ATXN1: variants seen among roughly 807,000 people sequenced by gnomAD.
ATXN1 encodes ataxin-1.
ATXN1 carries 8 observed loss-of-function variants against 56.4 expected under a neutral mutation model. The ratio of observed to expected loss-of-function variants is 0.14; its 90% CI spans 0.08 to 0.26. ATXN1 has a LOEUF of 0.26. Ranked by LOEUF, ATXN1 falls within the 10% of genes least tolerant of loss-of-function variation. ATXN1 has a pLI of 1.00. For missense variants in ATXN1, 987 were observed against 1,106.5 expected (o/e 0.89, Z 1.53); for synonymous variants, 514 against 494.6 (o/e 1.04, Z -0.52).
intron 6 of ATXN1, among the ~76,000 whole-genome samples, chr6:16,451,000 G>C (rs1386082090): frequency 6.6e-6 from 1 of 152,212 alleles, no homozygotes; most frequent in Non-Finnish European, 1.5e-5. Context: ...ACGCTATGAA[G>C]AGCCACATGG....
At chr6:16,535,646 G>A (rs1761582657) in intron 4 of ATXN1, among the ~76,000 whole-genome samples, 1 of 152,202 alleles carries the variant, frequency 6.6e-6, no homozygotes, top group Middle Eastern at 3.2e-3. Context: ...CAGATGTTCT[G>A]CCCTTGTAAA....
At chr6:16,487,006 C>T (rs1451213581) in intron 5 of ATXN1, among the ~76,000 whole-genome samples, 1 of 152,020 alleles carries the variant, frequency 6.6e-6, no homozygotes, top group African/African-American at 2.4e-5. Context: ...TATTCATATC[C>T]TGATCATTAA....
chr6:16,553,985 T>C (rs1761966933), intron 4 of ATXN1, among the ~76,000 whole-genome samples: 1 of 152,206 alleles, frequency 6.6e-6, no homozygotes, highest in Admixed American at 6.5e-5. Context: ...TAAACATCTT[T>C]GAAGGACAGG....
chr6:16,533,569 A>C (rs529534849), intron 4 of ATXN1, among the ~76,000 whole-genome samples: 2 of 152,308 alleles, frequency 1.3e-5, no homozygotes, highest in African/African-American at 4.8e-5. Flanking sequence ...AAAGTCACTA[A>C]TAGGAACAAA....
chr6:16,680,607 CA>C (rs1236738223), intron 2 of ATXN1, among the ~76,000 whole-genome samples: 1 of 152,158 alleles, frequency 6.6e-6, no homozygotes, highest in Non-Finnish European at 1.5e-5. Context: ...TTCCAGAAAA[CA>C]AGGGAAACCA....
At chr6:16,545,393 C>A (rs1034453320) in intron 4 of ATXN1, among the ~76,000 whole-genome samples, 1 of 144,248 alleles carries the variant, frequency 6.9e-6, no homozygotes, top group African/African-American at 2.5e-5. Context: ...GATTTCTTGT[C>A]TTTTTTTTTT....
intron 6 of ATXN1, among the ~76,000 whole-genome samples, chr6:16,458,339 CA>C (rs1759921845): frequency 6.6e-6 from 1 of 152,134 alleles, no homozygotes; most frequent in Admixed American, 6.5e-5. Flanking sequence ...CACCATAACT[CA>C]GGGAAAGGAA....
chr6:16,728,980 G>C (rs1437554518), intron 2 of ATXN1, among the ~76,000 whole-genome samples: 1 of 152,160 alleles, frequency 6.6e-6, no homozygotes, highest in Non-Finnish European at 1.5e-5. Context: ...ACTTCCAAAA[G>C]CCTAGTCGAG....
chr6:16,553,073 C>A (rs948104296), intron 4 of ATXN1, among the ~76,000 whole-genome samples: 1 of 152,230 alleles, frequency 6.6e-6, no homozygotes. Context: ...AGGCTATGCG[C>A]CTCTAGGAGG....
At chr6:16,426,898 G>A (rs928465445) in intron 6 of ATXN1, among the ~76,000 whole-genome samples, 44 of 150,044 alleles carry the variant, frequency 2.9e-4, no homozygotes, top group African/African-American at 1.1e-3. Context: ...AGACCAAGTA[G>A]AGGCAGGATC....
chr6:16,650,987 T>A (rs944919602), intron 3 of ATXN1, among the ~76,000 whole-genome samples: 5 of 152,264 alleles, frequency 3.3e-5, no homozygotes, highest in African/African-American at 1.2e-4. Flanking sequence ...TCTAAAGTTT[T>A]TCTTTTAACA....
chr6:16,342,825 A>G (rs9383153), intron 6 of ATXN1, among the ~76,000 whole-genome samples: 20,685 of 152,154 alleles, frequency 0.14, 2,044 homozygotes, highest in East Asian at 0.4. Flanking sequence ...AGAATAGTCA[A>G]ATTTGGAGAG....
intron 6 of ATXN1, among the ~76,000 whole-genome samples, chr6:16,445,658 T>G (rs1337590611): frequency 6.2e-5 from 9 of 146,086 alleles, no homozygotes; most frequent in Non-Finnish European, 1.1e-4. Flanking sequence ...TATCTCCTAA[T>G]GCTATCCCTC....
chr6:16,332,716 C>G (rs1247853945), intron 6 of ATXN1, among the ~76,000 whole-genome samples: 1 of 152,106 alleles, frequency 6.6e-6, no homozygotes, highest in African/African-American at 2.4e-5. Flanking sequence ...AGTTTGCTAC[C>G]CATGGTTTGC....
chr6:16,704,472 T>C (rs1180427693), intron 2 of ATXN1, among the ~76,000 whole-genome samples: 1 of 138,514 alleles, frequency 7.2e-6, no homozygotes, highest in Non-Finnish European at 1.6e-5. Context: ...TGCCATAATT[T>C]GAGGTGTTGC....
At chr6:16,339,497 A>G (rs1490426476) in intron 6 of ATXN1, among the ~76,000 whole-genome samples, 1 of 152,172 alleles carries the variant, frequency 6.6e-6, no homozygotes, top group Non-Finnish European at 1.5e-5. Flanking sequence ...AATGCTCTCA[A>G]CTGCAAAGAC....
intron 7 of ATXN1, among the ~76,000 whole-genome samples, chr6:16,325,852 C>T (rs567862721): frequency 4.6e-5 from 7 of 152,124 alleles, no homozygotes; most frequent in South Asian, 2.1e-4. Context: ...ACTACAGCCT[C>T]GAACTCCTGG....
chr6:16,669,314 C>A (rs749503690), intron 2 of ATXN1, among the ~76,000 whole-genome samples: 1 of 152,146 alleles, frequency 6.6e-6, no homozygotes, highest in Non-Finnish European at 1.5e-5. Context: ...TAGAATCACA[C>A]AAGTTTTTGC....
chr6:16,657,023 G>A (rs1451044200), intron 3 of ATXN1, among the ~76,000 whole-genome samples: 4 of 131,192 alleles, frequency 3.0e-5, no homozygotes, highest in Non-Finnish European at 4.6e-5. Context: ...TCGCTCTGTC[G>A]CCCAGGCTGG....
Sources: allele counts gnomAD v4.1 joint callset (sites outside exome capture counted in the v4.1 genomes callset), GRCh38; gene constraint gnomAD v4.1.1; transcripts MANE v1.5; gene names NCBI Gene and HGNC (gene_info 2026-07-23, HGNC 2026-07-21).